The following FUOM variants were observed in gnomAD, a reference collection of about 807,000 sequenced individuals.
The protein encoded by FUOM is protein fucU homolog.
A neutral mutation model predicts 18.3 loss-of-function variants in FUOM; 19 were observed. The ratio of observed to expected loss-of-function variants is 1.04; its 90% CI spans 0.73 to 1.53. The LOEUF (loss-of-function observed/expected upper bound fraction) is 1.53. Ranked by LOEUF, FUOM falls within the 40% of genes most tolerant of loss-of-function variation. The pLI is 0.00. For synonymous variants in FUOM, 102 were observed against 87.9 expected (o/e 1.16, Z -0.90); for missense variants, 210 against 200.9 (o/e 1.04, Z -0.27).
At chr10:133,355,882 C>A in intron 4 of FUOM, 71 bp from the exon 5 acceptor site, 2 of 1,298,240 alleles carry the variant, frequency 1.5e-6, no homozygotes, top group Non-Finnish European at 2.2e-6. Context: ...CTGGACTCCC[C>A]AGGGCCCAAA....
Position 133,355,375 on chromosome 10 carries a change from G to C in FUOM, c.460C>G (p.Leu154Val). 6.2e-7 allele frequency: 1 copy of C among 1,604,816 alleles called. No homozygotes were observed. Among genetic ancestry groups the C allele is most frequent in the South Asian group, 1.1e-5 (1 of 89,980 alleles). Residue 154 changes from leucine to valine, a missense_variant, in exon 6 of 6, where the codon CTG becomes GTG. Transcript: ENST00000278025. ...RKGVLALNPLL is the reference protein window; with the variant it reads ...RKGVLALNPLV ...CCAGGTGGTCTTCACCAGGCCTACA[G>C]CAGGGGGTTGAGGGCAAGCACCCCC...
rs1564796936 is a variant in FUOM at position 133,355,466 on chromosome 10, T to C, written c.399-30A>G. On this transcript the variant is annotated intron_variant, in intron 5 of 5. Transcript: ENST00000278025. ...AGAGGAGCCAAGCCCAGCACTGAGC[T>C]GGGCTGCAGGGCCAGGGTGCCGAGA... 1.9e-6 allele frequency: 3 copies of C among 1,608,842 alleles called. No individual in the cohort carries two copies. In the Admixed American group the frequency reaches 5.1e-5, roughly 27 times the overall value.
downstream of FUOM, among the ~76,000 whole-genome samples, chr10:133,354,028 C>T (rs569641465): frequency 2.2e-3 from 325 of 149,788 alleles, 3 homozygotes; most frequent in African/African-American, 7.4e-3. Flanking sequence ...TGTTTTTTCT[C>T]GTGATTTTAC....
downstream of FUOM, among the ~76,000 whole-genome samples, chr10:133,352,897 G>A (rs1397705019): frequency 6.6e-6 from 1 of 152,224 alleles, no homozygotes; most frequent in East Asian, 1.9e-4. Flanking sequence ...ACCGATGACC[G>A]GGGCCCAGCC....
intron 4 of FUOM, among the ~76,000 whole-genome samples, chr10:133,356,286 T>C (rs957831285): frequency 3.3e-5 from 5 of 152,190 alleles, no homozygotes; most frequent in Admixed American, 2.6e-4. Flanking sequence ...GCGAGAGACC[T>C]GGGACCAGGG....
Position 133,355,829 on chromosome 10 carries a change from AG to A in FUOM, c.325-19del, listed in dbSNP as rs1293972205. 15 of 1,606,762 alleles carry A rather than the reference AG, an allele frequency of 9.3e-6. No individual in the cohort carries two copies. Among genetic ancestry groups the A allele is most frequent in the Non-Finnish European group, 1.3e-5 (15 of 1,174,558 alleles). ...AGGGCTCTCTGGAAGACAAAATGGC[AG>A]GGTTGGAGGGAACCCTGCCAAGAAA... On this transcript the variant is annotated intron_variant, in intron 4 of 5. Transcript: ENST00000278025.
Position 133,357,213 on chromosome 10 carries a change from C to A in FUOM, c.128G>T (p.Cys43Phe). The A allele has an allele frequency of 6.3e-7, 1 of 1,583,022 alleles. No homozygotes were observed. Among genetic ancestry groups the A allele is most frequent in the Non-Finnish European group, 8.6e-7 (1 of 1,165,754 alleles). ...GTCTGCACGGATCTCCATGGGCCCA[C>A]ACTGGCAGATGGAGGAGGCCGGGAA... is the stretch of plus-strand genomic sequence containing the variant. The part of the protein sequence containing the change: ...LNFPASSICQ[C>F]GPMEIRADGL... Residue 43 changes from cysteine to phenylalanine, a missense_variant, in exon 2 of 6, where the codon TGT becomes TTT. By Grantham distance (205) the Cys-to-Phe change is radical. Coordinates refer to ENST00000278025, the MANE Select transcript of FUOM (RefSeq NM_001098483.3).
downstream of FUOM, chr10:133,355,114 T>C: frequency 1.8e-6 from 1 of 547,140 alleles, no homozygotes; most frequent in Non-Finnish European, 3.3e-6. Flanking sequence ...GCAGCCTCCC[T>C]TGAGCTCAGC....
rs74164153 is a variant in FUOM at position 133,355,252 on chromosome 10, A to G, written c.*118T>C. On this transcript the variant is annotated 3_prime_UTR_variant, in exon 6 of 6. Coordinates refer to ENST00000278025, the MANE Select transcript of FUOM (RefSeq NM_001098483.3). ...GCCCACCCCAAGACTGCCGGCCCCT[A>G]GAGCCCTGGCCAGGGCCCAGGTCTG... The G allele has an allele frequency of 1.5e-3, 1,779 of 1,187,934 alleles. 33 individuals carry two copies. The African/African-American group carries it at 0.025, about 17-fold the overall frequency. The allele number at this position is 1,187,934 out of a possible 1,614,324, so 73.6% of individuals were successfully genotyped here. A position where few individuals can be genotyped will look rare whatever the true frequency, so the allele number is the denominator to read the frequency against.
downstream of FUOM, chr10:133,355,083 G>C (rs1013306134): frequency 2.1e-6 from 1 of 475,498 alleles, no homozygotes; most frequent in Admixed American, 3.5e-5. Flanking sequence ...TCAAGGGTAC[G>C]TGGGGGCCAC....
intron 1 of FUOM, chr10:133,357,694 T>G: frequency 5.8e-6 from 3 of 518,826 alleles, no homozygotes; most frequent in Non-Finnish European, 1.0e-5. Flanking sequence ...TCTCGGGCCG[T>G]CTGGGGAGGG....
intron 1 of FUOM, 64 bp downstream of exon 1, chr10:133,357,859 G>T: frequency 1.4e-6 from 2 of 1,394,190 alleles, no homozygotes; most frequent in Non-Finnish European, 1.9e-6. Context: ...GGGGGTCCCC[G>T]TGCAAGCCTC....
rs1188314733 is a variant in FUOM at position 133,357,242 on chromosome 10, C to G, written c.99G>C (p.Leu33Phe). 2 of 1,580,112 alleles carry G rather than the reference C, an allele frequency of 1.3e-6. No individual in the cohort carries two copies. The highest frequency in any genetic ancestry group is 1.7e-6 in the Non-Finnish European group (2 of 1,164,138). Reference sequence around the variant, plus strand: ...GGCAGATGGAGGAGGCCGGGAAGTTCAAGTCCGCAAGAACTAAACAGCCGG... The same window carrying G: ...GGCAGATGGAGGAGGCCGGGAAGTTGAAGTCCGCAAGAACTAAACAGCCGG... ...GHGDEIVLAD[L>F]NFPASSICQC... The change falls in exon 2 of 6, where the codon TTG (leucine) becomes TTC (phenylalanine). Residue 33 changes from leucine to phenylalanine, a missense_variant. Transcript: ENST00000278025.
intron 2 of FUOM, 73 bp downstream of exon 2, chr10:133,357,114 C>G (rs1848830257): frequency 6.5e-7 from 1 of 1,541,944 alleles, no homozygotes; most frequent in Non-Finnish European, 8.8e-7. Context: ...CACGGCAGGC[C>G]ACAGAGGAGC....
At chr10:133,357,499 G>T in intron 1 of FUOM, 1 of 579,294 alleles carries the variant, frequency 1.7e-6, no homozygotes, top group Non-Finnish European at 3.1e-6. Flanking sequence ...TGCCCGCGAG[G>T]CTGTCGGGTG....
At chr10:133,355,678 T>G in intron 5 of FUOM, 60 bp downstream of exon 5, 1 of 1,560,270 alleles carries the variant, frequency 6.4e-7, no homozygotes, top group Non-Finnish European at 8.8e-7. Flanking sequence ...CCGGTGGGGA[T>G]GGGGGCAGCT....
At chr10:133,356,861 A>G in intron 3 of FUOM, 82 bp downstream of exon 3, 3 of 1,482,732 alleles carry the variant, frequency 2.0e-6, no homozygotes, top group Non-Finnish European at 2.7e-6. Context: ...CCCCCACTCC[A>G]AGGCAGGTGG....
At chr10:133,353,492 C>T (rs1480501750), downstream of FUOM, among the ~76,000 whole-genome samples, 1 of 152,214 alleles carries the variant, frequency 6.6e-6, no homozygotes, top group Non-Finnish European at 1.5e-5. Flanking sequence ...GCAGCTAAGA[C>T]AGAACGGAGC....
Position 133,355,453 on chromosome 10 carries a change from C to G in FUOM, c.399-17G>C, listed in dbSNP as rs1848759466. The G allele has an allele frequency of 1.2e-6, 2 of 1,609,566 alleles. No homozygotes were observed. The highest frequency in any genetic ancestry group is 2.7e-5 in the African/African-American group (2 of 74,888). On this transcript the variant is annotated splice_polypyrimidine_tract_variant and intron_variant, in intron 5 of 5. Coordinates refer to ENST00000278025, the MANE Select transcript of FUOM (RefSeq NM_001098483.3). ...GCCGTCTCCCTGCAGAGGAGCCAAG[C>G]CCAGCACTGAGCTGGGCTGCAGGGC...
Sources: gnomAD v4.1 joint callset for allele counts (sites outside exome capture counted in the v4.1 genomes callset) on GRCh38, gnomAD v4.1.1 for gene constraint, MANE v1.5 for transcripts, NCBI Gene and HGNC (gene_info 2026-07-23, HGNC 2026-07-21) for gene names.